The following EDRF1 variants were observed in gnomAD, a reference collection of about 807,000 sequenced individuals.
EDRF1 encodes erythroid differentiation-related factor 1.
Under a neutral mutation model 148.7 loss-of-function variants are expected in EDRF1, and 69 were observed. That is an observed-to-expected ratio of 0.46 (90% CI 0.38 to 0.57). The LOEUF (loss-of-function observed/expected upper bound fraction) is 0.57. EDRF1 is among the 20% of genes least tolerant of loss of function. The pLI is 0.00. For missense variants in EDRF1, 1,118 were observed against 1,478.7 expected (o/e 0.76, Z 4.00); for synonymous variants, 515 against 532.8 (o/e 0.97, Z 0.46).
intron 6 of EDRF1, among the ~76,000 whole-genome samples, chr10:125,726,516 T>C (rs1255790865): frequency 6.6e-6 from 1 of 152,236 alleles, no homozygotes; most frequent in East Asian, 1.9e-4. Context: ...AATTGTGACA[T>C]GTCTATTTTC....
chr10:125,741,374 A>T (rs745809597), intron 17 of EDRF1, 173 bp downstream of exon 17: 1 of 717,620 alleles, frequency 1.4e-6, no homozygotes, highest in Non-Finnish European at 2.4e-6. Flanking sequence ...CTGGAGTGCA[A>T]TGGTGCAATC....
In EDRF1 at chr10:125,721,360, C is replaced by T. The variant is rs1203892432; in HGVS notation, c.265C>T (p.Pro89Ser). Reference protein sequence around the residue: ...NWLRESAKLGPAGTTILGNSK... With the variant: ...NWLRESAKLGSAGTTILGNSK... ...GTTACGAGAGAGTGCCAAACTAGGG[C>T]CAGCAGGAACTACCATTCTTGGCAA... Residue 89 changes from proline to serine, a missense_variant, in exon 2 of 25, where the codon CCA becomes TCA. Transcript: ENST00000356792. The T allele has an allele frequency of 1.9e-6, 3 of 1,614,054 alleles. No homozygotes were observed. Among genetic ancestry groups the T allele is most frequent in the Non-Finnish European group, 2.5e-6 (3 of 1,180,036 alleles).
At chr10:125,725,923 ACAGGACTAAG>A in intron 6 of EDRF1, 85 bp downstream of exon 6, 1 of 1,402,622 alleles carries the variant, frequency 7.1e-7, no homozygotes, top group Non-Finnish European at 9.9e-7. Context: ...AAAAAGATGA[ACAGGACTAAG>A]AAATATTCTG....
At chr10:125,745,202 A>G (rs1288168628) in intron 18 of EDRF1, 5 of 178,212 alleles carry the variant, frequency 2.8e-5, no homozygotes, top group Admixed American at 1.1e-4. Context: ...ATGAAATATC[A>G]TAGACTAGGT....
chr10:125,727,923 G>T (rs1000430964), intron 6 of EDRF1, among the ~76,000 whole-genome samples: 1 of 152,128 alleles, frequency 6.6e-6, no homozygotes, highest in Non-Finnish European at 1.5e-5. Context: ...CAGGCTGGGC[G>T]CAGTGGCTTA....
intron 24 of EDRF1, among the ~76,000 whole-genome samples, chr10:125,758,536 A>G (rs1396125641): frequency 6.6e-6 from 1 of 151,866 alleles, no homozygotes; most frequent in African/African-American, 2.4e-5. Flanking sequence ...TCTAGCCTGG[A>G]GTTGAGCTGT....
At chr10:125,761,665 A>G (rs1850200404) in intron 24 of EDRF1, among the ~76,000 whole-genome samples, 2 of 152,256 alleles carry the variant, frequency 1.3e-5, no homozygotes, top group South Asian at 4.1e-4. Flanking sequence ...ACTGCTGATA[A>G]GAATGCATTA....
rs752969432 is a variant in EDRF1 at position 125,742,208 on chromosome 10, T to G, written c.2372-850T>G. On this transcript the variant is annotated intron_variant, in intron 17 of 24. Coordinates refer to ENST00000356792, the MANE Select transcript of EDRF1 (RefSeq NM_001202438.2). ...GTCTTGCTTAATATGTCACTCTGTT[T>G]GGAATTGTCAGGCTTTAAAACTGGG... is the stretch of plus-strand genomic sequence containing the variant. 4.7e-6 allele frequency: 6 copies of G among 1,288,568 alleles called. No homozygotes were observed. The South Asian group carries it at 7.4e-5, about 16-fold the overall frequency. The allele number at this position is 1,288,568 out of a possible 1,614,324, so 79.8% of individuals were successfully genotyped here.
chr10:125,734,443 A>G (rs1475840596), intron 12 of EDRF1, among the ~76,000 whole-genome samples: 4 of 152,160 alleles, frequency 2.6e-5, no homozygotes, highest in Non-Finnish European at 5.9e-5. Flanking sequence ...CATATATTGG[A>G]TTAAATATAT....
Position 125,743,240 on chromosome 10 carries a change from A to G in EDRF1, c.2554A>G (p.Met852Val). The part of the protein sequence containing the change: ...NIRNEIGVFY[M>V]NQAAALQSER... Reference sequence around the variant, plus strand: ...TAGAAATGAAATTGGTGTGTTTTACATGAATCAGGCTGCTGCATTACAGAG... The same window carrying G: ...TAGAAATGAAATTGGTGTGTTTTACGTGAATCAGGCTGCTGCATTACAGAG... The change falls in exon 18 of 25, where the codon ATG becomes GTG. Residue 852 changes from methionine to valine, a missense_variant. Physicochemically the swap from Met to Val is conservative, Grantham distance 21. This residue lies in a region of EDRF1 where 954 missense variants were observed against 1,241.4 expected (regional missense o/e 0.77). Transcript: ENST00000356792. The G allele has an allele frequency of 6.2e-7, 1 of 1,613,844 alleles. No individual in the cohort carries two copies. The highest frequency in any genetic ancestry group is 8.5e-7 in the Non-Finnish European group (1 of 1,179,862).
chr10:125,739,759 A>G (rs2133714883), intron 15 of EDRF1, among the ~76,000 whole-genome samples: 1 of 152,198 alleles, frequency 6.6e-6, no homozygotes, highest in East Asian at 1.9e-4. Flanking sequence ...TTTCCACAGT[A>G]TTTTGTTCTT....
Position 125,747,541 on chromosome 10 carries a change from T to A in EDRF1, c.2820T>A (p.Ile940=). ...PEEGLYYNKA[I]DYYLKALRSL... The stretch of plus-strand genomic sequence containing the variant: ...CACTGTTTTCTCCTTTGCAGGCTAT[T>A]GATTACTATTTGAAAGCGCTAAGGT... The change falls in exon 20 of 25, where the codon ATT becomes ATA. Residue 940 remains isoleucine (I), a synonymous_variant. Transcript: ENST00000356792. The A allele has an allele frequency of 3.1e-6, 5 of 1,614,168 alleles. No homozygotes were observed. The highest frequency in any genetic ancestry group is 4.2e-6 in the Non-Finnish European group (5 of 1,180,028).
chr10:125,734,401 CTG>C (rs1848631199), intron 12 of EDRF1, among the ~76,000 whole-genome samples: 1 of 152,076 alleles, frequency 6.6e-6, no homozygotes, highest in East Asian at 1.9e-4. Context: ...GATTGGATGT[CTG>C]TACCTATTAC....
At position 125,754,750 on chromosome 10, in the gene EDRF1, A is replaced by G. The variant is rs534437867; in HGVS notation, c.3545+905A>G. 6.6e-5 allele frequency among the ~76,000 whole-genome samples: 10 copies of G among 152,242 alleles called. No homozygotes were observed. In the South Asian group the frequency reaches 1.7e-3, roughly 25 times the overall value. Reference sequence around the variant, plus strand: ...TGATATGCCTTCCTTGTTTTTAAATATAAGTGCAATCTGGCCATATTACAA... The same window carrying G: ...TGATATGCCTTCCTTGTTTTTAAATGTAAGTGCAATCTGGCCATATTACAA... On this transcript the variant is annotated intron_variant, in intron 24 of 24. Coordinates refer to ENST00000356792, the MANE Select transcript of EDRF1 (RefSeq NM_001202438.2).
chr10:125,751,805 G>A (rs1849655652), intron 22 of EDRF1: 1 of 152,198 alleles, frequency 6.6e-6, no homozygotes, highest in South Asian at 2.1e-4. Flanking sequence ...ATGAAAGGAT[G>A]TACATTAAAA....
intron 1 of EDRF1, among the ~76,000 whole-genome samples, 188 bp from the exon 2 acceptor site, chr10:125,721,016 T>A (rs1847970341): frequency 1.3e-5 from 2 of 152,196 alleles, no homozygotes; most frequent in Admixed American, 6.5e-5. Flanking sequence ...TCTTTTTTCT[T>A]TGAAGTTGGT....
intron 22 of EDRF1, chr10:125,749,959 A>T (rs1425761258): frequency 3.2e-6 from 1 of 312,904 alleles, no homozygotes; most frequent in East Asian, 8.5e-5. Context: ...TGGCCAACAT[A>T]GTGAAACCCC....
In EDRF1 at chr10:125,719,776, C is replaced by A. The variant is rs757373280; in HGVS notation, c.-32C>A. ...CGTTGCTGCTGCTGCTCCTCCGCTC[C>A]CCCGTCGTATCGCCTGCCCTGGATC... On this transcript the variant is annotated 5_prime_UTR_variant, in exon 1 of 25. Transcript: ENST00000356792. The A allele has an allele frequency of 6.3e-7, 1 of 1,577,864 alleles. No individual in the cohort carries two copies. The highest frequency in any genetic ancestry group is 8.7e-7 in the Non-Finnish European group (1 of 1,154,236).
At position 125,749,856 on chromosome 10, in the gene EDRF1, A is replaced by C. The variant is rs6597726; in HGVS notation, c.3277+291A>C. The C allele has an allele frequency of 3.1e-3, 1,219 of 387,590 alleles. 2 individuals carry two copies. The highest frequency in any genetic ancestry group is 3.8e-3 in the Non-Finnish European group (783 of 203,666). The allele number at this position is 387,590 out of a possible 1,614,324, so 24.0% of individuals were successfully genotyped here. ...TAAATTTAGACAGTTAAAGAATTCAATCGGCCAGGCACAGTGGCTCACGCC... is the reference window on the plus strand; with the variant it reads ...TAAATTTAGACAGTTAAAGAATTCACTCGGCCAGGCACAGTGGCTCACGCC... On this transcript the variant is annotated intron_variant, in intron 22 of 24. Transcript: ENST00000356792.
Sources: allele counts gnomAD v4.1 joint callset (sites outside exome capture counted in the v4.1 genomes callset), GRCh38; gene constraint gnomAD v4.1.1; regional missense constraint gnomAD v4.1.1; transcripts MANE v1.5; gene names NCBI Gene and HGNC (gene_info 2026-07-23, HGNC 2026-07-21).